PKP4: variants seen among roughly 807,000 people sequenced by gnomAD.
The protein encoded by PKP4 is plakophilin 4, also known as plakophilin-4.
PKP4 carries 90 observed loss-of-function variants against 145.1 expected under a neutral mutation model. That is an observed-to-expected ratio of 0.62 (90% CI 0.52 to 0.74). The LOEUF (loss-of-function observed/expected upper bound fraction) is 0.74, where lower values mean the gene tolerates loss of function less well. Ranked by LOEUF, PKP4 falls within the 30% of genes least tolerant of loss-of-function variation. The pLI is 0.00. For synonymous variants in PKP4, 563 were observed against 577.2 expected (o/e 0.98, Z 0.35); for missense variants, 1,340 against 1,482.7 (o/e 0.90, Z 1.58).
At chr2:158,560,830 G>A (rs2046451338) in intron 2 of PKP4, among the ~76,000 whole-genome samples, 1 of 152,180 alleles carries the variant, frequency 6.6e-6, no homozygotes. Flanking sequence ...AGATGTTTAA[G>A]TGACTTGTCT....
intron 1 of PKP4, among the ~76,000 whole-genome samples, chr2:158,515,338 G>A (rs1040137782): frequency 2.6e-5 from 4 of 152,042 alleles, no homozygotes; most frequent in African/African-American, 7.2e-5. Context: ...AGAAATTTAA[G>A]CCTGGTATGG....
intron 1 of PKP4, among the ~76,000 whole-genome samples, chr2:158,501,377 C>T (rs1308348365): frequency 6.6e-6 from 1 of 152,242 alleles, no homozygotes; most frequent in Admixed American, 6.5e-5. Flanking sequence ...TTTCTAATTG[C>T]TACATGCCAG....
chr2:158,627,991 T>C (rs896114432), intron 7 of PKP4, among the ~76,000 whole-genome samples: 2 of 148,892 alleles, frequency 1.3e-5, no homozygotes, highest in Non-Finnish European at 3.0e-5. Context: ...TATTTTTTTA[T>C]TTTTTTTTGA....
intron 11 of PKP4, among the ~76,000 whole-genome samples, chr2:158,648,361 G>A (rs1273619423): frequency 2.0e-5 from 3 of 152,184 alleles, no homozygotes; most frequent in Admixed American, 6.5e-5. Context: ...AATAATAGTT[G>A]TAACTAAGGA....
At chr2:158,485,562 T>C (rs1229758502) in intron 1 of PKP4, among the ~76,000 whole-genome samples, 1 of 152,206 alleles carries the variant, frequency 6.6e-6, no homozygotes, top group African/African-American at 2.4e-5. Context: ...TACAAGCACC[T>C]GAAGTGTACT....
At chr2:158,592,981 C>T (rs1008618176) in intron 3 of PKP4, among the ~76,000 whole-genome samples, 2 of 152,090 alleles carry the variant, frequency 1.3e-5, no homozygotes, top group African/African-American at 2.4e-5. Flanking sequence ...AAAAACAGGG[C>T]CCTTTTCTTG....
intron 3 of PKP4, among the ~76,000 whole-genome samples, chr2:158,586,688 T>C (rs1229150091): frequency 1.3e-5 from 2 of 152,210 alleles, no homozygotes; most frequent in Admixed American, 6.5e-5. Context: ...ATCTGAAAGA[T>C]ACCAAATGAG....
chr2:158,642,698 A>G lies in PKP4; in HGVS notation c.1908A>G (p.Thr636=), dbSNP rs985755209. 3.1e-6 allele frequency: 5 copies of G among 1,591,492 alleles called. No homozygotes were observed. The highest frequency in any genetic ancestry group is 4.3e-6 in the Non-Finnish European group (5 of 1,165,688). Residue 636 remains threonine (T), a splice_region_variant and synonymous_variant, in exon 11 of 22, where the codon ACA becomes ACG. Coordinates refer to ENST00000389759, the MANE Select transcript of PKP4 (RefSeq NM_003628.6). The stretch of plus-strand genomic sequence containing the variant: ...ATGCAGAAGTAAGGGAGCTTGTTAC[A>G]GGTAGGTATAGAATGTGATCTCGTC... ...SIDAEVRELV[T]GVLWNLSSCD...
At position 158,465,965 on chromosome 2, in the gene PKP4, G is replaced by A. The variant is rs561272679; in HGVS notation, c.-6+8747G>A. 1.8e-4 allele frequency among the ~76,000 whole-genome samples: 28 copies of A among 152,278 alleles called. No individual in the cohort carries two copies. The East Asian group carries it at 2.7e-3, about 15-fold the overall frequency. On this transcript the variant is annotated intron_variant, in intron 1 of 21. Coordinates refer to ENST00000389759, the MANE Select transcript of PKP4 (RefSeq NM_003628.6). The stretch of plus-strand genomic sequence containing the variant: ...GTCTGAAATCTTCGGATAGTATATC[G>A]GCAAGTGTCAGTCTTCCAAAATATT...
At position 158,662,912 on chromosome 2, in the gene PKP4, G is replaced by T; in HGVS notation, c.2227G>T (p.Val743Leu). 6.2e-7 allele frequency: 1 copy of T among 1,605,572 alleles called. No individual in the cohort carries two copies. The highest frequency in any genetic ancestry group is 8.5e-7 in the Non-Finnish European group (1 of 1,177,346). The change falls in exon 14 of 22, where the codon GTG becomes TTG. Residue 743 changes from valine to leucine, a missense_variant. Coordinates refer to ENST00000389759, the MANE Select transcript of PKP4 (RefSeq NM_003628.6). ...DYDSKTVENC[V>L]CTLRNLSYRL... ...TGGGTTTCAGACGGTGGAGAACTGC[G>T]TGTGCACCCTGAGGAACCTGTCCTA...
chr2:158,471,504 C>T (rs978418949), intron 1 of PKP4, among the ~76,000 whole-genome samples: 2 of 152,216 alleles, frequency 1.3e-5, no homozygotes, highest in Non-Finnish European at 2.9e-5. Flanking sequence ...CAAAAAAAGC[C>T]TTCAAGTGCT....
At chr2:158,485,255 T>C (rs758577207) in intron 1 of PKP4, among the ~76,000 whole-genome samples, 2 of 152,344 alleles carry the variant, frequency 1.3e-5, no homozygotes, top group Middle Eastern at 6.8e-3. Flanking sequence ...ATTCCACACA[T>C]TTTATGTGAA....
chr2:158,623,386 T>C (rs2052443413), intron 6 of PKP4, among the ~76,000 whole-genome samples: 1 of 152,162 alleles, frequency 6.6e-6, no homozygotes, highest in Non-Finnish European at 1.5e-5. Context: ...CCTCACTATG[T>C]TGCCCTGGCT....
intron 1 of PKP4, among the ~76,000 whole-genome samples, chr2:158,472,486 G>A (rs977466112): frequency 4.6e-5 from 7 of 151,574 alleles, no homozygotes; most frequent in African/African-American, 1.2e-4. Flanking sequence ...AGTGGCAGGC[G>A]CCTATAATCC....
chr2:158,560,253 G>A (rs2046404902), intron 2 of PKP4, among the ~76,000 whole-genome samples: 9 of 152,148 alleles, frequency 5.9e-5, no homozygotes, highest in Admixed American at 5.9e-4. Context: ...TGCCTAATTT[G>A]TGTAAATTTC....
Position 158,673,709 on chromosome 2 carries a change from A to G in PKP4, c.2957A>G (p.Gln986Arg). 2 of 1,613,270 alleles carry G rather than the reference A, an allele frequency of 1.2e-6. No homozygotes were observed. The highest frequency in any genetic ancestry group is 8.5e-7 in the Non-Finnish European group (1 of 1,179,662). The part of the protein sequence containing the change: ...SSLKVVKAAA[Q>R]VLNTLWQYRD... Reference sequence around the variant, plus strand: ...CTGAAAGTGGTGAAGGCAGCAGCCCAGGTCTTGAATACATTATGGCAATAT... The same window carrying G: ...CTGAAAGTGGTGAAGGCAGCAGCCCGGGTCTTGAATACATTATGGCAATAT... Residue 986 changes from glutamine (Q) to arginine (R), a missense_variant, in exon 18 of 22, where the codon CAG becomes CGG. Coordinates refer to ENST00000389759, the MANE Select transcript of PKP4 (RefSeq NM_003628.6).
At chr2:158,613,002 A>G (rs1201989148) in intron 4 of PKP4, among the ~76,000 whole-genome samples, 1 of 152,162 alleles carries the variant, frequency 6.6e-6, no homozygotes, top group Non-Finnish European at 1.5e-5. Context: ...CAAATCAAGC[A>G]AAAAACAAAC....
rs1442629658 is a variant in PKP4 at position 158,621,329 on chromosome 2, A to G, written c.511A>G (p.Lys171Glu). Reference protein sequence around the residue: ...GSFHNSQNVSKADNRQQHSFI... With the variant: ...GSFHNSQNVSEADNRQQHSFI... Reference sequence around the variant, plus strand: ...TTTCCACAACAGCCAGAACGTGAGCAAGGCAGACAACAGACAGCAGCATTC... The same window carrying G: ...TTTCCACAACAGCCAGAACGTGAGCGAGGCAGACAACAGACAGCAGCATTC... The change falls in exon 6 of 22, where the codon AAG becomes GAG. Residue 171 changes from lysine (K) to glutamate (E), a missense_variant. Transcript: ENST00000389759. 1 of 1,614,232 alleles carries G rather than the reference A, an allele frequency of 6.2e-7. No individual in the cohort carries two copies.
intron 1 of PKP4, among the ~76,000 whole-genome samples, chr2:158,468,135 A>G (rs1034768406): frequency 3.3e-5 from 5 of 152,372 alleles, no homozygotes; most frequent in South Asian, 2.1e-4. Flanking sequence ...GGAAATGCCC[A>G]GGAATACAAT....
Sources: gnomAD v4.1 joint callset for allele counts (sites outside exome capture counted in the v4.1 genomes callset) on GRCh38, gnomAD v4.1.1 for gene constraint, MANE v1.5 for transcripts, NCBI Gene and HGNC (gene_info 2026-07-23, HGNC 2026-07-21) for gene names.